Variants in MUC4 observed in about 807,000 individuals in gnomAD.
The protein encoded by MUC4 is mucin-4.
Under a neutral mutation model 257.9 loss-of-function variants are expected in MUC4, and 202 were observed. That is an observed-to-expected ratio of 0.78 (90% confidence interval 0.70 to 0.88). MUC4 has a LOEUF of 0.88. MUC4 is among the 40% of genes least tolerant of loss of function. The pLI, the probability that MUC4 is intolerant of heterozygous loss-of-function variation, is 0.00. For missense variants in MUC4, 5,976 were observed against 6,513.7 expected (o/e 0.92, Z 2.84); for synonymous variants, 2,351 against 2,757.1 (o/e 0.85, Z 4.62).
In MUC4 at chr3:195,747,221, C is replaced by G. The variant is rs140448681; in HGVS notation, c.16194G>C (p.Gly5398=). The change falls in exon 25 of 25, where the codon GGG becomes GGC. Residue 5398 remains glycine (G), a synonymous_variant. Coordinates refer to ENST00000463781, the MANE Select transcript of MUC4 (RefSeq NM_018406.7). ...AGTTCAGGAAATAGGAGAACCTGGC[C>G]CCGGAGCAACCCCAGAAGCGCAGGA... ...FVVLRFWGCS[G]ARFSYFLNSA... The G allele has an allele frequency of 2.0e-4, 318 of 1,614,196 alleles. No homozygotes were observed. In the Middle Eastern group the frequency reaches 2.6e-3, roughly 13 times the overall value.
In MUC4 at chr3:195,778,744, C is replaced by A. The variant is rs142104174; in HGVS notation, c.12790+46G>T. ...AGGTACTCCTTAGGCTGAATTCCGC[C>A]AAGGGGCCCACTGGGAGACATAAAG... On this transcript the variant is annotated intron_variant, in intron 2 of 24. Transcript: ENST00000463781. The A allele has an allele frequency of 5.2e-6, 8 of 1,547,708 alleles. No homozygotes were observed. The South Asian group carries it at 6.0e-5, about 12-fold the overall frequency.
rs1728900677 is a variant in MUC4 at position 195,782,773 on chromosome 3, G to A, written c.8807C>T (p.Ser2936Leu). The change falls in exon 2 of 25, where the codon TCA becomes TTA. Residue 2936 changes from serine to leucine, a missense_variant. Transcript: ENST00000463781. ...AGGGGTGGTGTCACCTGTGGATACT[G>A]AGGAAAGGCTGGTGACAGGAAGAGG... ...ATPLPVTSLS[S>L]VSTGDTTPLP... The A allele has an allele frequency of 1.3e-6, 2 of 1,518,354 alleles. No individual in the cohort carries two copies. The highest frequency in any genetic ancestry group is 8.9e-7 in the Non-Finnish European group (1 of 1,128,196). 94.1% of individuals were successfully genotyped at this position (1,518,354 alleles called of 1,614,324 possible).
At position 195,749,070 on chromosome 3, in the gene MUC4, G is replaced by A. The variant is rs755154752; in HGVS notation, c.15872-6C>T. On this transcript the variant is annotated splice_polypyrimidine_tract_variant and splice_region_variant and intron_variant, in intron 23 of 24. Transcript: ENST00000463781. ...CTTCAGCGTGCTCACGTTCACTGTC[G>A]GGAAGGACACAGATTAACACAGAAA... 34 of 1,609,450 alleles carry A rather than the reference G, an allele frequency of 2.1e-5. No individual in the cohort carries two copies. In the Middle Eastern group the frequency reaches 6.6e-4, roughly 31 times the overall value.
rs55860315 is a variant in MUC4, at chr3:195,758,573, C to CTTTTTTTTTTT, written c.14986+550_14986+551insAAAAAAAAAAA. On this transcript the variant is annotated intron_variant, in intron 17 of 24. Coordinates refer to ENST00000463781, the MANE Select transcript of MUC4 (RefSeq NM_018406.7). Reference sequence around the variant, plus strand: ...GATTGAGATTAAATGATCTTCAAATCTTTTTTTTGAGACAGAGTCTCGCTC... The same window carrying CTTTTTTTTTTT: ...GATTGAGATTAAATGATCTTCAAATCTTTTTTTTTTTTTTTTTTTGAGACAGAGTCTCGCTC... Among the ~76,000 whole-genome samples, 156 of 126,438 alleles carry CTTTTTTTTTTT rather than the reference C, an allele frequency of 1.2e-3. 16 individuals carry two copies. Among genetic ancestry groups the CTTTTTTTTTTT allele is most frequent in the Middle Eastern group, 4.3e-3 (1 of 234 alleles). 82.9% of individuals were successfully genotyped at this position (126,438 alleles called of 152,430 possible).
rs916481071 is a variant in MUC4 at position 195,755,142 on chromosome 3, G to T, written c.15169-770C>A. The stretch of plus-strand genomic sequence containing the variant: ...AGCCATCCTCCCACCTCAGCCTCCC[G>T]AGGAGCTGGGGCTACAGGCATGCAC... On this transcript the variant is annotated intron_variant, in intron 18 of 24. Coordinates refer to ENST00000463781, the MANE Select transcript of MUC4 (RefSeq NM_018406.7). This position sits in a 1 kb window ranked among gnomAD's most constrained non-coding sequence, Gnocchi z 5.0. Among the ~76,000 whole-genome samples the T allele has an allele frequency of 6.6e-6, 1 of 151,520 alleles. No individual in the cohort carries two copies. Among genetic ancestry groups the T allele is most frequent in the Non-Finnish European group, 1.5e-5 (1 of 67,884 alleles).
At chr3:195,769,842 G>A (rs1578098203) in intron 6 of MUC4, among the ~76,000 whole-genome samples, 1 of 152,332 alleles carries the variant, frequency 6.6e-6, no homozygotes, top group Middle Eastern at 3.4e-3. Flanking sequence ...CTCTGAACGA[G>A]TTACTTAACC....
intron 13 of MUC4, among the ~76,000 whole-genome samples, chr3:195,762,616 AC>A (rs1560246250): frequency 2.1e-5 from 1 of 48,714 alleles, no homozygotes; most frequent in Non-Finnish European, 5.5e-5. Context: ...ACCGCCACGC[AC>A]CCGGCCCTGC....
At chr3:195,756,772 C>T (rs1438437222) in intron 18 of MUC4, among the ~76,000 whole-genome samples, 6 of 152,162 alleles carry the variant, frequency 3.9e-5, no homozygotes, top group South Asian at 2.1e-4. Context: ...AAGCGATTTT[C>T]CTGCCGCAGC....
Position 195,784,271 on chromosome 3 carries a change from T to G in MUC4, c.7309A>C (p.Asn2437His). Residue 2437 changes from asparagine (N) to histidine (H), a missense_variant, in exon 2 of 25, where the codon AAC (asparagine) becomes CAC (histidine). Physicochemically the swap from Asn to His is moderately conservative, Grantham distance 68. This residue lies in a region of MUC4 where 57 missense variants were observed against 116.5 expected (regional missense o/e 0.49). Transcript: ENST00000463781. ...TGACCTGTGGATGCCGAGGAAACGT[T>G]GGTGACAGGAAGACGGGTGGTGTCA... ...TGDTTRLPVT[N>H]VSSASTGHAT... The G allele has an allele frequency of 1.5e-6, 2 of 1,363,886 alleles. No individual in the cohort carries two copies. The highest frequency in any genetic ancestry group is 1.8e-5 in the African/African-American group (1 of 54,854). The allele number at this position is 1,363,886 out of a possible 1,614,324, so 84.5% of individuals were successfully genotyped here.
chr3:195,776,793 TACCTTCCACACC>T (rs1724896896), intron 3 of MUC4, among the ~76,000 whole-genome samples: 1 of 127,626 alleles, frequency 7.8e-6, no homozygotes, highest in Admixed American at 7.8e-5. Flanking sequence ...TCCACACCCA[TACCTTCCACACC>T]CATACCTTCC....
intron 3 of MUC4, among the ~76,000 whole-genome samples, chr3:195,774,914 A>AAT (rs1230104553): frequency 1.3e-5 from 2 of 151,314 alleles, no homozygotes; most frequent in African/African-American, 2.4e-5. Flanking sequence ...AAAAAAAAAA[A>AAT]AAAATAGACA....
In MUC4 at chr3:195,791,240, C is replaced by G. The variant is rs1320486910; in HGVS notation, c.340G>C (p.Ala114Pro). 4 of 1,578,134 alleles carry G rather than the reference C, an allele frequency of 2.5e-6. 1 individual carries two copies. In the South Asian group the frequency reaches 3.3e-5, roughly 13 times the overall value. Residue 114 changes from alanine (A) to proline (P), a missense_variant, in exon 2 of 25, where the codon GCT (alanine) becomes CCT (proline). Ala to Pro is a conservative substitution (Grantham distance 27, BLOSUM62 -1). This residue lies in a region of MUC4 where 1,583 missense variants were observed against 1,257.4 expected (regional missense o/e 1.26). Transcript: ENST00000463781. Reference sequence around the variant, plus strand: ...GATGTGGTCATTTCATCTGGAGGAGCTGTCTCCATCACATTGTGTACACTT... The same window carrying G: ...GATGTGGTCATTTCATCTGGAGGAGGTGTCTCCATCACATTGTGTACACTT... ...SPSVHNVMET[A>P]PPDEMTTSFP... is the part of the protein sequence containing the mutation.
rs1453750294 is a variant in MUC4 at position 195,762,100 on chromosome 3, C to A, written c.14499G>T (p.Thr4833=). 3.7e-6 allele frequency: 6 copies of A among 1,601,430 alleles called. No homozygotes were observed. The highest frequency in any genetic ancestry group is 4.5e-5 in the East Asian group (2 of 44,520). Residue 4833 remains threonine (T), a synonymous_variant, in exon 14 of 25, where the codon ACG becomes ACT. Transcript: ENST00000463781. ...ASLPPEYQNR[T]EGLLGVWNNN... Reference sequence around the variant, plus strand: ...AGCCGCCCTCACCCAGGAGCCCCTCCGTGCGGTTCTGGTACTCGGGCGGGA... The same window carrying A: ...AGCCGCCCTCACCCAGGAGCCCCTCAGTGCGGTTCTGGTACTCGGGCGGGA...
intron 17 of MUC4, among the ~76,000 whole-genome samples, chr3:195,758,860 C>G (rs1718208496): frequency 1.3e-5 from 2 of 151,894 alleles, no homozygotes; most frequent in Admixed American, 6.6e-5. Context: ...CATGAGCCAC[C>G]GCGCCCAGCC....
At chr3:195,754,395 G>C (rs763607050) in intron 18 of MUC4, 23 bp from the exon 19 acceptor site, 5 of 1,589,558 alleles carry the variant, frequency 3.1e-6, no homozygotes, top group Admixed American at 3.4e-5. Flanking sequence ...TGCCGATCAC[G>C]GGCGGCCAGG....
intron 1 of MUC4, among the ~76,000 whole-genome samples, chr3:195,808,496 C>T (rs1736279054): frequency 6.6e-6 from 1 of 152,198 alleles, no homozygotes; most frequent in Non-Finnish European, 1.5e-5. Context: ...TGAGCCACCG[C>T]GCCCGGCCCT....
At chr3:195,769,274 C>T (rs1319588226) in intron 6 of MUC4, 122 bp from the exon 7 acceptor site, 3 of 1,413,226 alleles carry the variant, frequency 2.1e-6, no homozygotes, top group Admixed American at 2.3e-5. Flanking sequence ...CCTGGTCTGC[C>T]CACAGCAAAG....
At chr3:195,773,046 C>CAT (rs1723442425) in intron 4 of MUC4, among the ~76,000 whole-genome samples, 1 of 92,526 alleles carries the variant, frequency 1.1e-5, no homozygotes. Flanking sequence ...AGACACCCTC[C>CAT]CTTCATCGCT....
Position 195,778,375 on chromosome 3 carries a change from T to A in MUC4, c.12871A>T (p.Ile4291Phe), listed in dbSNP as rs377513572. 3 of 1,612,880 alleles carry A rather than the reference T, an allele frequency of 1.9e-6. No homozygotes were observed. Among genetic ancestry groups the A allele is most frequent in the East Asian group, 2.2e-5 (1 of 44,872 alleles). ...ATGGCAGTGCTGGGAATGGTGGAAA[T>A]GATGGTCTGGGAGGTTGTGGGGGGT... ...SPPPTTSQTI[I>F]STIPSTAMHT... The change falls in exon 3 of 25, where the codon ATT (isoleucine) becomes TTT (phenylalanine). Residue 4291 changes from isoleucine (I) to phenylalanine (F), a missense_variant. By Grantham distance (21) the Ile-to-Phe change is conservative. Transcript: ENST00000463781.
Sources: allele counts gnomAD v4.1 joint callset (sites outside exome capture counted in the v4.1 genomes callset), GRCh38; gene constraint gnomAD v4.1.1; regional missense constraint gnomAD v4.1.1; non-coding constraint Gnocchi (gnomAD v3.1); transcripts MANE v1.5; gene names NCBI Gene and HGNC (gene_info 2026-07-23, HGNC 2026-07-21).